UNC79: variants seen among roughly 807,000 people sequenced by gnomAD.
UNC79 encodes the protein unc-79 subunit of NALCN channel complex, also known as protein unc-79 homolog.
In UNC79, 37 loss-of-function variants were observed where a neutral mutation model predicts 283.1. That is an observed-to-expected ratio of 0.13 (90% CI 0.10 to 0.17). The LOEUF is 0.17. Among genes scored for constraint, UNC79 ranks in the 10% least tolerant of loss-of-function variants. UNC79 has a pLI of 1.00. For missense variants in UNC79, 2,272 were observed against 3,211.1 expected, an observed-to-expected ratio of 0.71 and a Z score of 7.07; for synonymous variants, 1,107 against 1,200.2, an observed-to-expected ratio of 0.92 and a Z score of 1.61.
chr14:93,415,921 A>G (rs942801083), intron 1 of UNC79, among the ~76,000 whole-genome samples: 1 of 151,776 alleles, frequency 6.6e-6, no homozygotes. Flanking sequence ...TTTCTTCTTT[A>G]TTAGTCTTGC....
chr14:93,359,591 C>A (rs758597903), intron 1 of UNC79, among the ~76,000 whole-genome samples: 1 of 152,216 alleles, frequency 6.6e-6, no homozygotes, highest in African/African-American at 2.4e-5. Context: ...TTAGAATAGT[C>A]TGACTCGTGT....
chr14:93,651,121 C>T (rs530242942), intron 35 of UNC79, among the ~76,000 whole-genome samples: 4 of 152,284 alleles, frequency 2.6e-5, no homozygotes, highest in African/African-American at 9.6e-5. Context: ...GCTCTCTATT[C>T]TGTTCCATTG....
At chr14:93,653,884 A>G (rs1159828159) in intron 36 of UNC79, 30 bp downstream of exon 39, 2 of 1,614,014 alleles carry the variant, frequency 1.2e-6, no homozygotes, top group Admixed American at 1.7e-5. Flanking sequence ...TCCAGGCACC[A>G]CAAATTTGCC....
chr14:93,486,907 A>G (rs899299104), intron 4 of UNC79, among the ~76,000 whole-genome samples: 16 of 152,156 alleles, frequency 1.1e-4, no homozygotes, highest in South Asian at 2.1e-4. Flanking sequence ...AAAGAAGCCA[A>G]TTTGCTTTGT....
At chr14:93,660,520 C>CATATATATATAT (rs57703735) in intron 39 of UNC79, among the ~76,000 whole-genome samples, 90 of 48,686 alleles carry the variant, frequency 1.8e-3, no homozygotes, top group African/African-American at 3.5e-3. Flanking sequence ...AAGACAATAG[C>CATATATATATAT]ATATATATAT....
intron 14 of UNC79, among the ~76,000 whole-genome samples, chr14:93,544,445 CAG>C: frequency 6.6e-6 from 1 of 152,178 alleles, no homozygotes; most frequent in African/African-American, 2.4e-5. Flanking sequence ...GGGGGGTTAA[CAG>C]AAGGGTTTTC....
At chr14:93,656,785 C>G (rs2070986520) in intron 38 of UNC79, among the ~76,000 whole-genome samples, 1 of 152,152 alleles carries the variant, frequency 6.6e-6, no homozygotes, top group Non-Finnish European at 1.5e-5. Context: ...TTGTAATGAG[C>G]CATATTTGTG....
chr14:93,429,535 C>T (rs1174756912), upstream of UNC79, among the ~76,000 whole-genome samples: 2 of 152,130 alleles, frequency 1.3e-5, no homozygotes, highest in South Asian at 2.1e-4. Context: ...AGCATCTTTC[C>T]TTGATGTTTG....
intron 23 of UNC79, 68 bp from the exon 24 acceptor site, chr14:93,597,291 A>C: frequency 1.3e-6 from 2 of 1,514,164 alleles, no homozygotes; most frequent in Non-Finnish European, 1.8e-6. Context: ...CTGGCTAAAT[A>C]AATGTGTATG....
At chr14:93,641,100 G>A (rs750277147) in intron 32 of UNC79, 45 bp from the exon 36 acceptor site, 1 of 1,552,406 alleles carries the variant, frequency 6.4e-7, no homozygotes, top group Admixed American at 1.7e-5. Context: ...TTGGCCCCTT[G>A]AAGCTCATCT....
At chr14:93,622,518 ATGATCACCC>A (rs1230587041) in exon 30 of UNC79, 27 of 1,613,944 alleles carry the variant, frequency 1.7e-5, no homozygotes, top group Non-Finnish European at 2.3e-5. Context: ...ATGTCGCTGG[ATGATCACCC>A]TGACCCGGGC....
chr14:93,615,616 G>A (rs1180095344), intron 27 of UNC79, among the ~76,000 whole-genome samples: 1 of 150,868 alleles, frequency 6.6e-6, no homozygotes, highest in Non-Finnish European at 1.5e-5. Context: ...CAGCTACATG[G>A]GAGACTGAGG....
At chr14:93,414,109 A>G (rs1259019606) in intron 1 of UNC79, among the ~76,000 whole-genome samples, 5 of 151,772 alleles carry the variant, frequency 3.3e-5, no homozygotes, top group East Asian at 1.9e-4. Context: ...GCCCATGCCT[A>G]TGTCCTGAAT....
intron 16 of UNC79, among the ~76,000 whole-genome samples, chr14:93,574,039 G>A (rs1311687070): frequency 6.6e-6 from 1 of 152,092 alleles, no homozygotes; most frequent in Non-Finnish European, 1.5e-5. Context: ...GTCAACTTTG[G>A]GATTTAGAAT....
intron 11 of UNC79, among the ~76,000 whole-genome samples, chr14:93,533,945 C>T (rs1203181214): frequency 2.0e-5 from 3 of 152,206 alleles, no homozygotes; most frequent in Non-Finnish European, 4.4e-5. Flanking sequence ...TTGTGATCTG[C>T]ATGTGATATG....
intron 14 of UNC79, 55 bp from the exon 15 acceptor site, chr14:93,571,839 A>G: frequency 6.3e-7 from 1 of 1,597,144 alleles, no homozygotes; most frequent in Non-Finnish European, 8.6e-7. Flanking sequence ...CCTTGAGTAT[A>G]ATTGTAACCA....
At chr14:93,666,814 A>T (rs947183909) in intron 40 of UNC79, among the ~76,000 whole-genome samples, 1 of 152,220 alleles carries the variant, frequency 6.6e-6, no homozygotes, top group Non-Finnish European at 1.5e-5. Flanking sequence ...GGAAGATTTT[A>T]AAACATGGAA....
intron 20 of UNC79, among the ~76,000 whole-genome samples, chr14:93,584,863 G>GTTT: frequency 1.4e-5 from 2 of 140,294 alleles, no homozygotes; most frequent in Non-Finnish European, 3.1e-5. Context: ...CTCTGGCTAA[G>GTTT]TTTTTTTTTT....
intron 20 of UNC79, among the ~76,000 whole-genome samples, chr14:93,584,866 T>G (rs2064107108): frequency 6.6e-6 from 1 of 151,322 alleles, no homozygotes; most frequent in Non-Finnish European, 1.5e-5. Flanking sequence ...TGGCTAAGTT[T>G]TTTTTTTTTT....
Sources: allele counts gnomAD v4.1 joint callset (sites outside exome capture counted in the v4.1 genomes callset), GRCh38; gene constraint gnomAD v4.1.1; transcripts MANE v1.5; gene names NCBI Gene and HGNC (gene_info 2026-07-23, HGNC 2026-07-21).